Variants in DISC1 observed in about 807,000 individuals in gnomAD.
DISC1 encodes the protein DISC1 scaffold protein.
In DISC1, 57 loss-of-function variants were observed where a neutral mutation model predicts 84.5. That is an observed-to-expected ratio of 0.67 (90% CI 0.55 to 0.84). The LOEUF (loss-of-function observed/expected upper bound fraction) is 0.84. Ranked by LOEUF, DISC1 falls within the 40% of genes least tolerant of loss-of-function variation. The probability of loss-of-function intolerance (pLI) is 0.00; values close to 1 mark genes in which losing one functional copy is unlikely to be tolerated. For synonymous variants in DISC1, 411 were observed against 415.2 expected (o/e 0.99, Z 0.12); for missense variants, 1,000 against 1,057.8 (o/e 0.95, Z 0.76).
chr1:231,932,171 TG>T (rs1421173964), intron 9 of DISC1, among the ~76,000 whole-genome samples: 1 of 152,202 alleles, frequency 6.6e-6, no homozygotes, highest in African/African-American at 2.4e-5. Flanking sequence ...GATGTAATCT[TG>T]CAAAATAACC....
At chr1:231,883,974 G>T (rs144344010) in intron 9 of DISC1, among the ~76,000 whole-genome samples, 13 of 152,226 alleles carry the variant, frequency 8.5e-5, no homozygotes, top group African/African-American at 3.1e-4. Flanking sequence ...CATGCCTGGT[G>T]GTCTGACATG....
rs202188638 is a variant in DISC1, at chr1:231,789,774, C to T, written c.1635-5468C>T. 4.7e-4 allele frequency among the ~76,000 whole-genome samples: 71 copies of T among 152,144 alleles called. 1 individual carries two copies. The highest frequency in any genetic ancestry group is 9.0e-4 in the Non-Finnish European group (61 of 68,002). On this transcript the variant is annotated intron_variant, in intron 6 of 12. Coordinates refer to ENST00000439617, the MANE Select transcript of DISC1 (RefSeq NM_018662.3). ...TAAATTCCATTTGCCCTTCTAATTA[C>T]GGCTGAAAAGCAATCTGTCCCCCAA... is the stretch of plus-strand genomic sequence containing the variant.
intron 1 of DISC1, among the ~76,000 whole-genome samples, chr1:231,686,180 G>C (rs1231445064): frequency 6.6e-6 from 1 of 152,154 alleles, no homozygotes; most frequent in Non-Finnish European, 1.5e-5. Flanking sequence ...TACCATCCTG[G>C]GGTCTGGAGG....
At chr1:231,650,551 C>G (rs887759564) in intron 1 of DISC1, among the ~76,000 whole-genome samples, 1 of 152,144 alleles carries the variant, frequency 6.6e-6, no homozygotes, top group African/African-American at 2.4e-5. Flanking sequence ...TGGGGTTGCT[C>G]TTCTTGAGGA....
intron 7 of DISC1, among the ~76,000 whole-genome samples, chr1:231,797,527 C>T (rs1311198646): frequency 2.0e-5 from 3 of 152,104 alleles, no homozygotes; most frequent in Admixed American, 6.6e-5. Context: ...TGTTGTATTC[C>T]TGCATGGAAG....
At chr1:231,886,258 A>C (rs1483654619) in intron 9 of DISC1, among the ~76,000 whole-genome samples, 1 of 152,254 alleles carries the variant, frequency 6.6e-6, no homozygotes, top group Non-Finnish European at 1.5e-5. Flanking sequence ...CCCCTATAGC[A>C]ATGAGTAATA....
chr1:231,996,823 C>G (rs529471608), intron 10 of DISC1, among the ~76,000 whole-genome samples: 8 of 152,118 alleles, frequency 5.3e-5, no homozygotes, highest in African/African-American at 1.9e-4. Context: ...CAAGAACTTA[C>G]CCCCAAACAC....
chr1:232,022,356 G>A (rs925669219), intron 11 of DISC1, among the ~76,000 whole-genome samples: 19 of 149,896 alleles, frequency 1.3e-4, no homozygotes, highest in Middle Eastern at 3.5e-3. Context: ...TTGCCAGGCC[G>A]GAGTGCAGTG....
chr1:231,889,005 G>T (rs1320111820), intron 9 of DISC1, among the ~76,000 whole-genome samples: 2 of 152,164 alleles, frequency 1.3e-5, no homozygotes, highest in Non-Finnish European at 2.9e-5. Context: ...CTCTGAATGG[G>T]AGACATGTTT....
At chr1:231,967,450 G>A (rs1158041450) in intron 10 of DISC1, among the ~76,000 whole-genome samples, 1 of 152,150 alleles carries the variant, frequency 6.6e-6, no homozygotes, top group African/African-American at 2.4e-5. Context: ...TATGTATGTA[G>A]TAATACATGT....
intron 3 of DISC1, among the ~76,000 whole-genome samples, chr1:231,710,659 T>G (rs1253573374): frequency 6.6e-6 from 1 of 152,212 alleles, no homozygotes; most frequent in African/African-American, 2.4e-5. Context: ...TCTCTTTGGC[T>G]TGTAGACAGC....
chr1:231,879,765 T>C, intron 9 of DISC1, among the ~76,000 whole-genome samples: 1 of 152,044 alleles, frequency 6.6e-6, no homozygotes, highest in Non-Finnish European at 1.5e-5. Flanking sequence ...TATGATTGGT[T>C]AGATGGTAGT....
chr1:231,646,035 A>G (rs1007162150), intron 1 of DISC1, among the ~76,000 whole-genome samples: 5 of 149,520 alleles, frequency 3.3e-5, no homozygotes, highest in Non-Finnish European at 7.4e-5. Flanking sequence ...AGTCTATCCA[A>G]CAATAGCAGA....
intron 9 of DISC1, among the ~76,000 whole-genome samples, chr1:231,924,745 C>T (rs571423130): frequency 2.0e-4 from 31 of 151,886 alleles, no homozygotes; most frequent in Non-Finnish European, 4.0e-4. Context: ...CAACCTCCAC[C>T]TCCCGGGTTC....
chr1:231,681,962 A>C (rs1459946938), intron 1 of DISC1, among the ~76,000 whole-genome samples: 3 of 152,120 alleles, frequency 2.0e-5, no homozygotes, highest in Admixed American at 1.3e-4. Flanking sequence ...GGCCTCTCAA[A>C]GTGCTGGGAT....
chr1:231,700,024 C>G (rs2066210907), intron 2 of DISC1, among the ~76,000 whole-genome samples: 1 of 152,200 alleles, frequency 6.6e-6, no homozygotes, highest in Non-Finnish European at 1.5e-5. Flanking sequence ...GTGGTTCACT[C>G]CCTTACCACT....
chr1:231,741,531 C>T (rs2073275327), intron 3 of DISC1, among the ~76,000 whole-genome samples: 1 of 152,226 alleles, frequency 6.6e-6, no homozygotes, highest in African/African-American at 2.4e-5. Context: ...ATGACCAACA[C>T]TGTGTCATGG....
At chr1:231,850,373 T>A (rs553230580) in intron 9 of DISC1, among the ~76,000 whole-genome samples, 4 of 152,370 alleles carry the variant, frequency 2.6e-5, no homozygotes, top group African/African-American at 9.6e-5. Context: ...GTAAATCTGT[T>A]GCCTTTTGAA....
At chr1:231,940,999 G>T (rs964090415) in intron 9 of DISC1, 2 of 152,174 alleles carry the variant, frequency 1.3e-5, no homozygotes, top group Non-Finnish European at 2.9e-5. Context: ...ATGGGCATTC[G>T]CAGGGTGCAC....
Sources: gnomAD v4.1 joint callset for allele counts (sites outside exome capture counted in the v4.1 genomes callset) on GRCh38, gnomAD v4.1.1 for gene constraint, MANE v1.5 for transcripts, NCBI Gene and HGNC (gene_info 2026-07-23, HGNC 2026-07-21) for gene names.